The following DRC11 variants were observed in gnomAD, a reference collection of about 807,000 sequenced individuals.
DRC11 encodes the protein IQ and AAA domain-containing protein 1.
At chr2:236,339,235 G>C in the DRC11 span, among the ~76,000 whole-genome samples, 1 of 152,194 alleles carries the variant, frequency 6.6e-6, no homozygotes, top group African/African-American at 2.4e-5. Context: ...TATTTAGATT[G>C]TTGGCCCACT....
chr2:236,416,917 T>C, the DRC11 span, among the ~76,000 whole-genome samples: 4,382 of 151,130 alleles, frequency 0.029, 211 homozygotes, highest in African/African-American at 0.1. Context: ...CCCAAAACAA[T>C]GCCTGGCTCA....
the DRC11 span, among the ~76,000 whole-genome samples, chr2:236,419,480 C>G: frequency 9.7e-3 from 1,473 of 152,290 alleles, 13 homozygotes; most frequent in Non-Finnish European, 0.016. This position sits in a 1 kb window ranked among gnomAD's most constrained non-coding sequence, Gnocchi z 4.8. Context: ...GCAGCAGCCT[C>G]AGTGTAGATG....
At chr2:236,430,246 G>A in the DRC11 span, among the ~76,000 whole-genome samples, 91 of 151,720 alleles carry the variant, frequency 6.0e-4, no homozygotes, top group East Asian at 0.016. This position sits in a 1 kb window ranked among gnomAD's most constrained non-coding sequence, Gnocchi z 6.0. Flanking sequence ...GCATTGTTGT[G>A]TTATGTTTGC....
the DRC11 span, among the ~76,000 whole-genome samples, chr2:236,377,366 A>G: frequency 6.6e-6 from 1 of 152,238 alleles, no homozygotes; most frequent in Non-Finnish European, 1.5e-5. The surrounding 1 kb of genome is among the most constrained non-coding windows in gnomAD (Gnocchi z 4.9). Context: ...GGCTTTTTAA[A>G]AACAATACTT....
the DRC11 span, among the ~76,000 whole-genome samples, chr2:236,415,443 T>C: frequency 6.6e-6 from 1 of 152,200 alleles, no homozygotes; most frequent in Non-Finnish European, 1.5e-5. This position sits in a 1 kb window ranked among gnomAD's most constrained non-coding sequence, Gnocchi z 5.7. Flanking sequence ...AGGATTTGAA[T>C]AACTGGTCTC....
the DRC11 span, among the ~76,000 whole-genome samples, chr2:236,496,976 A>G: frequency 6.6e-6 from 1 of 152,292 alleles, no homozygotes; most frequent in Non-Finnish European, 1.5e-5. The surrounding 1 kb of genome is among the most constrained non-coding windows in gnomAD (Gnocchi z 6.3). Flanking sequence ...CATCTGCACC[A>G]GAAAGAAAGG....
the DRC11 span, among the ~76,000 whole-genome samples, chr2:236,342,793 G>A: frequency 2.0e-5 from 3 of 152,274 alleles, no homozygotes; most frequent in East Asian, 1.9e-4. This position sits in a 1 kb window ranked among gnomAD's most constrained non-coding sequence, Gnocchi z 5.8. Flanking sequence ...AGGTCCCCTC[G>A]CCGGCCTTGC....
At chr2:236,449,101 C>T in the DRC11 span, among the ~76,000 whole-genome samples, 3 of 152,122 alleles carry the variant, frequency 2.0e-5, no homozygotes, top group Non-Finnish European at 2.9e-5. The surrounding 1 kb of genome is among the most constrained non-coding windows in gnomAD (Gnocchi z 5.1). Flanking sequence ...CTCAGATGAT[C>T]CGCCTGCCTC....
At chr2:236,383,564 T>C in the DRC11 span, among the ~76,000 whole-genome samples, 1 of 152,156 alleles carries the variant, frequency 6.6e-6, no homozygotes, top group Non-Finnish European at 1.5e-5. Context: ...TGTAGGCATT[T>C]ATTGTGAAAA....
the DRC11 span, among the ~76,000 whole-genome samples, chr2:236,384,595 T>C: frequency 6.6e-6 from 1 of 152,182 alleles, no homozygotes; most frequent in Non-Finnish European, 1.5e-5. Context: ...GAAAATTTTC[T>C]CCCATTTCGT....
chr2:236,507,405 A>T, the DRC11 span: 2 of 822,234 alleles, frequency 2.4e-6, no homozygotes, highest in East Asian at 5.0e-5. Flanking sequence ...GGGAGAAACC[A>T]GGACTGCGAG....
chr2:236,476,449 TCA>T, the DRC11 span, among the ~76,000 whole-genome samples: 1 of 152,206 alleles, frequency 6.6e-6, no homozygotes, highest in African/African-American at 2.4e-5. The surrounding 1 kb of genome is among the most constrained non-coding windows in gnomAD (Gnocchi z 4.7). Flanking sequence ...TTATAAATTC[TCA>T]CAGTTTTTTT....
the DRC11 span, among the ~76,000 whole-genome samples, chr2:236,345,597 A>C: frequency 9.9e-5 from 15 of 152,122 alleles, no homozygotes; most frequent in Non-Finnish European, 1.8e-4. Context: ...TTTGTGGCCT[A>C]GGCTCCCCCT....
At chr2:236,496,378 G>C in the DRC11 span, among the ~76,000 whole-genome samples, 1 of 152,144 alleles carries the variant, frequency 6.6e-6, no homozygotes, top group Admixed American at 6.5e-5. The surrounding 1 kb of genome is among the most constrained non-coding windows in gnomAD (Gnocchi z 6.3). Flanking sequence ...GAAAATTAAA[G>C]ACTTTCTCCT....
At chr2:236,493,147 G>A in the DRC11 span, among the ~76,000 whole-genome samples, 2 of 152,170 alleles carry the variant, frequency 1.3e-5, no homozygotes, top group Non-Finnish European at 2.9e-5. Context: ...CGGCAGACAA[G>A]ACAGTTTGTG....
the DRC11 span, among the ~76,000 whole-genome samples, chr2:236,363,409 C>A: frequency 1.4e-4 from 22 of 152,324 alleles, no homozygotes; most frequent in African/African-American, 5.1e-4. The surrounding 1 kb of genome is among the most constrained non-coding windows in gnomAD (Gnocchi z 5.6). Flanking sequence ...CATACCTTGG[C>A]AACCCATGTC....
chr2:236,377,083 A>C, the DRC11 span: 2 of 1,459,970 alleles, frequency 1.4e-6, no homozygotes, highest in African/African-American at 2.8e-5. The surrounding 1 kb of genome is among the most constrained non-coding windows in gnomAD (Gnocchi z 4.9). Context: ...ACATACATGT[A>C]TTATTCTCTG....
the DRC11 span, among the ~76,000 whole-genome samples, chr2:236,308,610 A>AT: frequency 6.6e-6 from 1 of 152,084 alleles, no homozygotes; most frequent in Non-Finnish European, 1.5e-5. The surrounding 1 kb of genome is among the most constrained non-coding windows in gnomAD (Gnocchi z 6.0). Flanking sequence ...AATGTGCAGC[A>AT]TTTGTCCTTC....
At chr2:236,450,814 CTTGT>C in the DRC11 span, among the ~76,000 whole-genome samples, 1 of 152,076 alleles carries the variant, frequency 6.6e-6, no homozygotes, top group African/African-American at 2.4e-5. Context: ...ATGCATTTAC[CTTGT>C]TTTTCTTTAT....
Sources: gnomAD v4.1 joint callset for allele counts (sites outside exome capture counted in the v4.1 genomes callset) on GRCh38, gnomAD v4.1.1 for gene constraint, Gnocchi (gnomAD v3.1) non-coding constraint, MANE v1.5 for transcripts, NCBI Gene and HGNC (gene_info 2026-07-23, HGNC 2026-07-21) for gene names.